Variants in SCAI observed in about 807,000 individuals in gnomAD.
SCAI encodes the protein suppressor of cancer cell invasion, also known as protein SCAI.
Under a neutral mutation model 92.2 loss-of-function variants are expected in SCAI, and 24 were observed. The observed-to-expected ratio is 0.26, with a 90% CI of 0.19 to 0.37. The LOEUF (loss-of-function observed/expected upper bound fraction) is 0.37, where lower values mean the gene tolerates loss of function less well. Ranked by LOEUF, SCAI falls within the 10% of genes least tolerant of loss-of-function variation. The probability of loss-of-function intolerance (pLI) is 1.00; values close to 1 mark genes in which losing one functional copy is unlikely to be tolerated. For missense variants in SCAI, 450 were observed against 736.2 expected (o/e 0.61, Z 4.50); for synonymous variants, 261 against 258.6 (o/e 1.01, Z -0.09).
intron 2 of SCAI, among the ~76,000 whole-genome samples, chr9:125,080,895 C>G (rs758559011): frequency 9.2e-5 from 14 of 152,290 alleles, no homozygotes; most frequent in African/African-American, 3.4e-4. Context: ...AAATGAATCA[C>G]GGGGACAAGT....
chr9:125,045,633 GCCTGCCTCTATTCTT>G (rs1833418623), intron 3 of SCAI, among the ~76,000 whole-genome samples: 1 of 152,202 alleles, frequency 6.6e-6, no homozygotes. Flanking sequence ...GCTGTGCCTG[GCCTGCCTCTATTCTT>G]AGAGTCAAAC....
At chr9:125,045,577 C>A (rs1273948698) in intron 3 of SCAI, among the ~76,000 whole-genome samples, 1 of 152,134 alleles carries the variant, frequency 6.6e-6, no homozygotes, top group East Asian at 1.9e-4. Context: ...CTCAGGCAAT[C>A]CTCTGGCCTT....
At chr9:125,035,902 T>A (rs1306051691) in intron 3 of SCAI, among the ~76,000 whole-genome samples, 1 of 152,254 alleles carries the variant, frequency 6.6e-6, no homozygotes, top group East Asian at 1.9e-4. Context: ...TACAAAAAAA[T>A]TTAAAAATTA....
intron 2 of SCAI, among the ~76,000 whole-genome samples, chr9:125,065,055 T>C (rs1833847812): frequency 6.6e-6 from 1 of 151,836 alleles, no homozygotes; most frequent in Non-Finnish European, 1.5e-5. Flanking sequence ...GGTTAGGAAA[T>C]GAACAGCCAA....
At chr9:125,090,812 T>C (rs533337351) in intron 2 of SCAI, among the ~76,000 whole-genome samples, 4 of 152,068 alleles carry the variant, frequency 2.6e-5, no homozygotes, top group Admixed American at 6.5e-5. Flanking sequence ...ATGCAGCCAG[T>C]GGCTCAAATG....
intron 13 of SCAI, among the ~76,000 whole-genome samples, chr9:124,995,249 A>C (rs1039300299): frequency 1.3e-5 from 2 of 152,194 alleles, no homozygotes; most frequent in African/African-American, 4.8e-5. Context: ...TCTAAGCTAA[A>C]GTGAAGTCTG....
intron 14 of SCAI, among the ~76,000 whole-genome samples, chr9:124,994,496 A>G (rs1832200253): frequency 1.1e-4 from 16 of 152,208 alleles, no homozygotes; most frequent in Admixed American, 1.0e-3. Context: ...TGCATGTAAA[A>G]CAGTATGTTA....
chr9:125,122,373 G>A (rs916573855), intron 2 of SCAI, among the ~76,000 whole-genome samples: 67 of 146,528 alleles, frequency 4.6e-4, no homozygotes, highest in East Asian at 4.1e-4. Context: ...GGTGGACCAC[G>A]AGGTCAGGAG....
chr9:124,970,868 G>A (rs905547624), intron 17 of SCAI, among the ~76,000 whole-genome samples: 2 of 152,012 alleles, frequency 1.3e-5, no homozygotes, highest in African/African-American at 4.8e-5. Context: ...AGGCTGGAGT[G>A]CAGTGATGCA....
chr9:125,028,585 A>G (rs1331898973), intron 4 of SCAI, 107 bp from the exon 5 acceptor site: 1 of 480,056 alleles, frequency 2.1e-6, no homozygotes. Context: ...AGCAAAGCTA[A>G]TGAATTTTTC....
chr9:125,004,866 G>A (rs1353322272), intron 9 of SCAI, among the ~76,000 whole-genome samples: 24 of 134,390 alleles, frequency 1.8e-4, no homozygotes, highest in African/African-American at 6.8e-4. Context: ...TCGGCTCACT[G>A]CAACCTCCTC....
At chr9:125,056,210 A>T (rs1223599023) in intron 2 of SCAI, among the ~76,000 whole-genome samples, 2 of 152,258 alleles carry the variant, frequency 1.3e-5, no homozygotes, top group African/African-American at 2.4e-5. Flanking sequence ...TTACACCTGT[A>T]ATCCCAGCAC....
chr9:124,961,946 C>T (rs1831444644), intron 17 of SCAI, among the ~76,000 whole-genome samples: 1 of 150,230 alleles, frequency 6.7e-6, no homozygotes, highest in Admixed American at 6.6e-5. Context: ...GGTATCCTTT[C>T]CCCTCAGTGG....
chr9:124,956,125 C>T (rs1184299289), intron 17 of SCAI, among the ~76,000 whole-genome samples: 2 of 151,978 alleles, frequency 1.3e-5, no homozygotes, highest in Non-Finnish European at 2.9e-5. Flanking sequence ...TATAAAAATC[C>T]ATAATGAAAT....
intron 2 of SCAI, among the ~76,000 whole-genome samples, chr9:125,085,209 G>C (rs536975119): frequency 1.3e-5 from 2 of 152,170 alleles, no homozygotes. Flanking sequence ...AATAACAGAC[G>C]GGTGCGGTGG....
At chr9:125,088,302 T>C (rs548451584) in intron 2 of SCAI, among the ~76,000 whole-genome samples, 3 of 152,292 alleles carry the variant, frequency 2.0e-5, no homozygotes, top group East Asian at 1.9e-4. Flanking sequence ...TGTCGAATTG[T>C]AATCCCCAAT....
At chr9:124,970,095 G>T (rs1831626853) in intron 17 of SCAI, among the ~76,000 whole-genome samples, 1 of 151,958 alleles carries the variant, frequency 6.6e-6, no homozygotes, top group Non-Finnish European at 1.5e-5. Context: ...CTTGTGATCT[G>T]CCTGCCTCTG....
chr9:125,129,841 TAAAAAAG>T (rs1191162584), intron 2 of SCAI, among the ~76,000 whole-genome samples: 2 of 151,954 alleles, frequency 1.3e-5, no homozygotes, highest in East Asian at 3.9e-4. Context: ...GTTCCTAACA[TAAAAAAG>T]AGAAGCTTTA....
intron 6 of SCAI, among the ~76,000 whole-genome samples, chr9:125,021,143 T>A (rs942249646): frequency 6.6e-6 from 1 of 152,066 alleles, no homozygotes; most frequent in African/African-American, 2.4e-5. Context: ...ATAGGAGAAA[T>A]AAAGAATGCT....
Sources: allele counts gnomAD v4.1 joint callset (sites outside exome capture counted in the v4.1 genomes callset), GRCh38; gene constraint gnomAD v4.1.1; transcripts MANE v1.5; gene names NCBI Gene and HGNC (gene_info 2026-07-23, HGNC 2026-07-21).